Variants in PLA2G4A observed in about 807,000 individuals in gnomAD.
PLA2G4A encodes phospholipase A2 group IVA.
In PLA2G4A, 40 loss-of-function variants were observed where a neutral mutation model predicts 81.9. That is an observed-to-expected ratio of 0.49 (90% CI 0.38 to 0.64). The LOEUF (loss-of-function observed/expected upper bound fraction) is 0.64, where lower values mean the gene tolerates loss of function less well. Among genes scored for constraint, PLA2G4A ranks in the 30% least tolerant of loss-of-function variants. The probability of loss-of-function intolerance (pLI) is 0.00; values close to 1 mark genes in which losing one functional copy is unlikely to be tolerated. For missense variants in PLA2G4A, 715 were observed against 905.1 expected, an observed-to-expected ratio of 0.79 and a Z score of 2.69; for synonymous variants, 302 against 296.9, an observed-to-expected ratio of 1.02 and a Z score of -0.18.
intron 7 of PLA2G4A, among the ~76,000 whole-genome samples, chr1:186,926,664 T>C (rs1655560241): frequency 6.6e-6 from 1 of 152,216 alleles, no homozygotes; most frequent in Admixed American, 6.5e-5. Context: ...ATACAGACAG[T>C]ATCCAGTTTA....
chr1:186,869,349 A>G (rs1464129974), intron 2 of PLA2G4A, among the ~76,000 whole-genome samples: 1 of 152,128 alleles, frequency 6.6e-6, no homozygotes, highest in Non-Finnish European at 1.5e-5. Flanking sequence ...AATAAGCATT[A>G]TTTTGAAAGA....
intron 7 of PLA2G4A, among the ~76,000 whole-genome samples, chr1:186,925,756 C>T (rs1655524593): frequency 6.6e-6 from 1 of 152,184 alleles, no homozygotes; most frequent in South Asian, 2.1e-4. Context: ...TATGAACATT[C>T]TCTTCTCAGC....
chr1:186,925,004 T>TGG (rs1655499548), intron 7 of PLA2G4A, among the ~76,000 whole-genome samples: 1 of 151,936 alleles, frequency 6.6e-6, no homozygotes, highest in Non-Finnish European at 1.5e-5. Flanking sequence ...GCCAAGATGG[T>TGG]GCCACTGCAC....
At chr1:186,928,902 A>T (rs765784683) in intron 7 of PLA2G4A, among the ~76,000 whole-genome samples, 1 of 152,184 alleles carries the variant, frequency 6.6e-6, no homozygotes, top group Non-Finnish European at 1.5e-5. Context: ...TTAGGTCCAA[A>T]TATAACCCCA....
intron 1 of PLA2G4A, among the ~76,000 whole-genome samples, chr1:186,847,712 G>T (rs1198554116): frequency 3.9e-5 from 6 of 152,102 alleles, no homozygotes. Flanking sequence ...GAGTTTTGTT[G>T]TTGTTTTGGA....
intron 3 of PLA2G4A, among the ~76,000 whole-genome samples, chr1:186,888,203 A>T (rs1185232807): frequency 6.6e-6 from 1 of 152,184 alleles, no homozygotes; most frequent in Non-Finnish European, 1.5e-5. Flanking sequence ...TTTTAAACAA[A>T]GTCTGTGGAT....
intron 3 of PLA2G4A, among the ~76,000 whole-genome samples, chr1:186,880,839 A>C (rs1344009860): frequency 6.6e-6 from 1 of 152,024 alleles, no homozygotes; most frequent in African/African-American, 2.4e-5. Context: ...TACAGATTCC[A>C]AAGATATGTT....
intron 2 of PLA2G4A, among the ~76,000 whole-genome samples, chr1:186,868,029 T>A (rs1364741533): frequency 6.6e-6 from 1 of 151,820 alleles, no homozygotes; most frequent in Non-Finnish European, 1.5e-5. Context: ...GAACCAGCCT[T>A]GTGTATCTGA....
chr1:186,837,162 C>G (rs1184765386), intron 1 of PLA2G4A, among the ~76,000 whole-genome samples: 1 of 152,116 alleles, frequency 6.6e-6, no homozygotes. Context: ...AAAGTGATTA[C>G]TACATTTGGA....
rs1289818820 is a variant in PLA2G4A, at chr1:186,912,750, G to GTA, written c.558+1370_558+1371dup. ...TATATACATATATATACATATATAT[G>GTA]TATATATATACATAAGTATATATAT... is the stretch of plus-strand genomic sequence containing the variant. On this transcript the variant is annotated intron_variant, in intron 7 of 17. Transcript: ENST00000367466. 7.2e-3 allele frequency among the ~76,000 whole-genome samples: 981 copies of GTA among 136,696 alleles called. 9 individuals are homozygous for GTA. Among genetic ancestry groups the GTA allele is most frequent in the Non-Finnish European group, 0.011 (742 of 64,670 alleles). 89.7% of individuals were successfully genotyped at this position (136,696 alleles called of 152,430 possible).
chr1:186,984,163 C>A (rs1242713236), intron 17 of PLA2G4A, among the ~76,000 whole-genome samples: 1 of 151,922 alleles, frequency 6.6e-6, no homozygotes. Context: ...CATTGACTTA[C>A]TGTGGGTAGC....
chr1:186,982,259 G>A (rs991170637), intron 17 of PLA2G4A, among the ~76,000 whole-genome samples: 1 of 152,152 alleles, frequency 6.6e-6, no homozygotes, highest in African/African-American at 2.4e-5. Context: ...TACAGTTTCT[G>A]GCACAGCATG....
intron 14 of PLA2G4A, 28 bp from the exon 15 acceptor site, chr1:186,965,381 A>G: frequency 6.8e-7 from 1 of 1,477,424 alleles, no homozygotes; most frequent in East Asian, 2.3e-5. Flanking sequence ...CATTTAATTC[A>G]TTCTTGTTTT....
intron 7 of PLA2G4A, among the ~76,000 whole-genome samples, chr1:186,914,249 C>T (rs939982537): frequency 1.5e-5 from 2 of 130,816 alleles, no homozygotes; most frequent in African/African-American, 6.0e-5. Flanking sequence ...GCCACTACAC[C>T]CAGAAAATTT....
At chr1:186,936,674 T>C (rs1207395872) in intron 8 of PLA2G4A, among the ~76,000 whole-genome samples, 1 of 151,946 alleles carries the variant, frequency 6.6e-6, no homozygotes, top group African/African-American at 2.4e-5. Context: ...AGTTAGCTAC[T>C]GATATTTTAA....
At chr1:186,860,829 G>T (rs984447249) in intron 2 of PLA2G4A, among the ~76,000 whole-genome samples, 2 of 152,082 alleles carry the variant, frequency 1.3e-5, no homozygotes, top group African/African-American at 4.8e-5. Context: ...TTATGTTTCC[G>T]TTCTCAAATT....
Position 186,893,007 on chromosome 1 carries a change from G to A in PLA2G4A, c.116-4G>A, listed in dbSNP as rs1215220724. 1 of 1,602,998 alleles carries A rather than the reference G, an allele frequency of 6.2e-7. No homozygotes were observed. Among genetic ancestry groups the A allele is most frequent in the East Asian group, 2.2e-5 (1 of 44,758 alleles). Reference sequence around the variant, plus strand: ...TCCTTCTTGTTTGTGTTTACTATCTGTAGTTGATACTCCAGATCCCTATGT... The same window carrying A: ...TCCTTCTTGTTTGTGTTTACTATCTATAGTTGATACTCCAGATCCCTATGT... On this transcript the variant is annotated splice_region_variant and splice_polypyrimidine_tract_variant and intron_variant, in intron 3 of 17. Coordinates refer to ENST00000367466, the MANE Select transcript of PLA2G4A (RefSeq NM_024420.3).
rs1197663287 is a variant in PLA2G4A at position 186,977,585 on chromosome 1, TC to T, written c.1765-5del. The T allele has an allele frequency of 6.3e-7, 1 of 1,598,268 alleles. No homozygotes were observed. The highest frequency in any genetic ancestry group is 1.3e-5 in the African/African-American group (1 of 74,600). On this transcript the variant is annotated splice_region_variant and splice_polypyrimidine_tract_variant and intron_variant, in intron 15 of 17. Transcript: ENST00000367466. ...ATTTCCAAATTCATCTTTCCATCTTTCCCATAGGAACTTCTACTTGCAGAAA... is the reference window on the plus strand; with the variant it reads ...ATTTCCAAATTCATCTTTCCATCTTTCCATAGGAACTTCTACTTGCAGAAA...
Position 186,848,722 on chromosome 1 carries a change from T to TACACAC in PLA2G4A, c.-69-5546_-69-5541dup, listed in dbSNP as rs10651334. On this transcript the variant is annotated intron_variant, in intron 1 of 17. Transcript: ENST00000367466. ...CTTGTAGTTCTTAACCTAGTGATTT[T>TACACAC]ACACACACACACACACACACACATA... is the stretch of plus-strand genomic sequence containing the variant. Among the ~76,000 whole-genome samples, 219 of 148,882 alleles carry TACACAC rather than the reference T, an allele frequency of 1.5e-3. 1 individual carries two copies. The highest frequency in any genetic ancestry group is 5.2e-3 in the African/African-American group (212 of 40,792).
Sources: allele counts gnomAD v4.1 joint callset (sites outside exome capture counted in the v4.1 genomes callset), GRCh38; gene constraint gnomAD v4.1.1; transcripts MANE v1.5; gene names NCBI Gene and HGNC (gene_info 2026-07-23, HGNC 2026-07-21).